Variants in CTNND2 observed in about 807,000 individuals in gnomAD.
CTNND2 encodes catenin delta 2, also known as catenin delta-2.
A neutral mutation model predicts 144.4 loss-of-function variants in CTNND2; 22 were observed. That is an observed-to-expected ratio of 0.15 (90% CI 0.11 to 0.22). The LOEUF (loss-of-function observed/expected upper bound fraction) is 0.22, where lower values mean the gene tolerates loss of function less well. Among genes scored for constraint, CTNND2 ranks in the 10% least tolerant of loss-of-function variants. The probability of loss-of-function intolerance (pLI) is 1.00; values close to 1 mark genes in which losing one functional copy is unlikely to be tolerated. For synonymous variants in CTNND2, 751 were observed against 695.6 expected, an observed-to-expected ratio of 1.08 and a Z score of -1.25; for missense variants, 1,353 against 1,618.8, an observed-to-expected ratio of 0.84 and a Z score of 2.82.
At position 11,498,703 on chromosome 5, in the gene CTNND2, T is replaced by C. The variant is rs138125470; in HGVS notation, c.287+66241A>G. 4.1e-3 allele frequency among the ~76,000 whole-genome samples: 624 copies of C among 152,358 alleles called. 5 individuals are homozygous for C. Among genetic ancestry groups the C allele is most frequent in the African/African-American group, 0.013 (524 of 41,582 alleles). On this transcript the variant is annotated intron_variant, in intron 3 of 21. Coordinates refer to ENST00000304623, the MANE Select transcript of CTNND2 (RefSeq NM_001332.4). ...AGCTGCTGCTTTGGCCCTTCGCGTA[T>C]AGCTAGATAATTTTTATATTGCAAA...
At chr5:11,819,078 C>G (rs1449382609) in intron 1 of CTNND2, among the ~76,000 whole-genome samples, 1 of 152,188 alleles carries the variant, frequency 6.6e-6, no homozygotes, top group East Asian at 1.9e-4. Context: ...TTAATTGAAA[C>G]AGTATCTGTA....
At chr5:11,242,452 G>C (rs921473271) in intron 9 of CTNND2, among the ~76,000 whole-genome samples, 1 of 152,154 alleles carries the variant, frequency 6.6e-6, no homozygotes, top group South Asian at 2.1e-4. Flanking sequence ...ATTTTTAAAA[G>C]ACAATGTCTA....
chr5:11,663,445 G>A (rs1003031605), intron 2 of CTNND2, among the ~76,000 whole-genome samples: 1 of 152,138 alleles, frequency 6.6e-6, no homozygotes, highest in African/African-American at 2.4e-5. Context: ...GAGTAGAACA[G>A]AGATATTCCT....
chr5:11,865,967 G>C (rs1795751841), intron 1 of CTNND2, among the ~76,000 whole-genome samples: 1 of 146,948 alleles, frequency 6.8e-6, no homozygotes, highest in Admixed American at 6.9e-5. Flanking sequence ...GTGACACCTT[G>C]ATTTTAGCCA....
rs931572139 is a variant in CTNND2, at chr5:11,858,601, C to T, written c.37+45216G>A. Among the ~76,000 whole-genome samples, 4 of 152,274 alleles carry T rather than the reference C, an allele frequency of 2.6e-5. No individual in the cohort carries two copies. In the East Asian group the frequency reaches 7.7e-4, roughly 29 times the overall value. On this transcript the variant is annotated intron_variant, in intron 1 of 21. Transcript: ENST00000304623. ...GAAGCATTAATTTTTCTGTTACTAT[C>T]CACGTTTAATCAAATAATAAAACAA...
chr5:11,853,817 C>G (rs569477465), intron 1 of CTNND2, among the ~76,000 whole-genome samples: 2 of 152,318 alleles, frequency 1.3e-5, no homozygotes, highest in East Asian at 3.9e-4. Flanking sequence ...TGGATAGGTA[C>G]AGCGTTTAGT....
intron 11 of CTNND2, among the ~76,000 whole-genome samples, chr5:11,162,534 C>A (rs1758873617): frequency 1.3e-5 from 2 of 152,196 alleles, no homozygotes; most frequent in African/African-American, 4.8e-5. Context: ...TTCCAGTGAA[C>A]TGATCACAGT....
intron 1 of CTNND2, among the ~76,000 whole-genome samples, chr5:11,866,640 G>T (rs569993949): frequency 6.6e-6 from 1 of 152,176 alleles, no homozygotes; most frequent in East Asian, 1.9e-4. Flanking sequence ...CACATCCTAC[G>T]TGCTAAATGT....
intron 11 of CTNND2, among the ~76,000 whole-genome samples, chr5:11,180,395 AG>A (rs1238298656): frequency 6.6e-6 from 1 of 152,190 alleles, no homozygotes; most frequent in Non-Finnish European, 1.5e-5. Context: ...GACTAATACA[AG>A]GGTCATGTGG....
intron 9 of CTNND2, among the ~76,000 whole-genome samples, chr5:11,302,899 C>T (rs1374210051): frequency 6.6e-6 from 1 of 152,196 alleles, no homozygotes; most frequent in Non-Finnish European, 1.5e-5. Context: ...TACCCTTTCT[C>T]CTCCAAGAAA....
chr5:11,766,647 AAACT>A (rs1218358558), intron 1 of CTNND2, among the ~76,000 whole-genome samples: 1 of 152,126 alleles, frequency 6.6e-6, no homozygotes, highest in East Asian at 1.9e-4. Context: ...AGCAGCGTGA[AAACT>A]AACTAATATA....
At chr5:11,661,776 A>C (rs556168694) in intron 2 of CTNND2, among the ~76,000 whole-genome samples, 84 of 152,128 alleles carry the variant, frequency 5.5e-4, no homozygotes, top group Non-Finnish European at 8.8e-4. Context: ...AAGCTGAATA[A>C]ATTTTTCTTT....
intron 1 of CTNND2, among the ~76,000 whole-genome samples, chr5:11,743,519 T>C (rs1345371960): frequency 6.6e-6 from 1 of 152,148 alleles, no homozygotes; most frequent in Non-Finnish European, 1.5e-5. Flanking sequence ...CTTGCAAATA[T>C]AGAATCTGGC....
At chr5:11,423,642 G>A (rs1290633597) in intron 3 of CTNND2, among the ~76,000 whole-genome samples, 1 of 152,154 alleles carries the variant, frequency 6.6e-6, no homozygotes, top group African/African-American at 2.4e-5. Context: ...GTGTGAATGT[G>A]TGTTGTTGCA....
intron 3 of CTNND2, among the ~76,000 whole-genome samples, chr5:11,552,326 C>A (rs1269489960): frequency 1.3e-5 from 2 of 152,162 alleles, no homozygotes; most frequent in African/African-American, 4.8e-5. Flanking sequence ...AGGCAACTTA[C>A]AATATACTTA....
At chr5:11,213,080 T>G (rs898818825) in intron 10 of CTNND2, among the ~76,000 whole-genome samples, 1 of 152,194 alleles carries the variant, frequency 6.6e-6, no homozygotes, top group Non-Finnish European at 1.5e-5. Flanking sequence ...TAGAAATTTA[T>G]AAGAAATTTA....
intron 12 of CTNND2, among the ~76,000 whole-genome samples, chr5:11,143,856 G>A (rs1756979463): frequency 1.3e-5 from 2 of 152,180 alleles, no homozygotes; most frequent in Non-Finnish European, 2.9e-5. Flanking sequence ...ATGTTGGGTG[G>A]GTTTGTCAGC....
intron 1 of CTNND2, among the ~76,000 whole-genome samples, chr5:11,746,664 C>T (rs1047758109): frequency 2.0e-5 from 3 of 152,100 alleles, no homozygotes; most frequent in Non-Finnish European, 4.4e-5. Flanking sequence ...TTACATTTTA[C>T]ATCCCCTAAT....
intron 10 of CTNND2, among the ~76,000 whole-genome samples, chr5:11,225,408 T>C (rs1295148380): frequency 6.6e-5 from 10 of 152,206 alleles, no homozygotes; most frequent in African/African-American, 2.4e-4. Context: ...CCTTGTCTTC[T>C]TGAACTGCAG....
Sources: allele counts gnomAD v4.1 joint callset (sites outside exome capture counted in the v4.1 genomes callset), GRCh38; gene constraint gnomAD v4.1.1; transcripts MANE v1.5; gene names NCBI Gene and HGNC (gene_info 2026-07-23, HGNC 2026-07-21).